The following WRAP53 variants were observed in gnomAD, a reference collection of about 807,000 sequenced individuals.
The protein encoded by WRAP53 is telomerase Cajal body protein 1.
Under a neutral mutation model 56.6 loss-of-function variants are expected in WRAP53, and 28 were observed. The observed-to-expected ratio is 0.50, with a 90% CI of 0.37 to 0.68. The LOEUF (loss-of-function observed/expected upper bound fraction) is 0.68, where lower values mean the gene tolerates loss of function less well. Among genes scored for constraint, WRAP53 ranks in the 30% least tolerant of loss-of-function variants. The probability of loss-of-function intolerance (pLI) is 0.00; values close to 1 mark genes in which losing one functional copy is unlikely to be tolerated. For synonymous variants in WRAP53, 283 were observed against 283.4 expected (o/e 1.00, Z 0.01); for missense variants, 671 against 715.5 (o/e 0.94, Z 0.71).
rs1384394462 is a variant in WRAP53 at position 7,691,166 on chromosome 17, G to A, written c.642+1465G>A. On this transcript the variant is annotated intron_variant, in intron 4 of 10. Coordinates refer to ENST00000396463, the MANE Select transcript of WRAP53 (RefSeq NM_001143992.2). ...GGAGGTTGCAGTGAGCCAAGATCATGTCACTGCACTCCAGCCTGGGTGACA... is the reference window on the plus strand; with the variant it reads ...GGAGGTTGCAGTGAGCCAAGATCATATCACTGCACTCCAGCCTGGGTGACA... Among the ~76,000 whole-genome samples the A allele has an allele frequency of 5.5e-5, 8 of 144,346 alleles. No homozygotes were observed. The East Asian group carries it at 1.7e-3, about 31-fold the overall frequency. The allele number at this position is 144,346 out of a possible 152,430, so 94.7% of individuals were successfully genotyped here. A position where few individuals can be genotyped will look rare whatever the true frequency, so the allele number is the denominator to read the frequency against.
intron 4 of WRAP53, among the ~76,000 whole-genome samples, chr17:7,698,230 C>T (rs1440279674): frequency 1.3e-5 from 2 of 152,056 alleles, no homozygotes; most frequent in Non-Finnish European, 2.9e-5. Flanking sequence ...TGTAGAGAAA[C>T]CCTTCTACAT....
rs1024938095 is a variant in WRAP53, at chr17:7,701,077, A to G, written c.731+248A>G. On this transcript the variant is annotated intron_variant, in intron 5 of 10. Coordinates refer to ENST00000396463, the MANE Select transcript of WRAP53 (RefSeq NM_001143992.2). The surrounding 1 kb of genome is among the most constrained non-coding windows in gnomAD (Gnocchi z 4.2). ...AACCTCCGCCTCCCAGGTTGAAGTG[A>G]TTCTCCTGCCTCAGCCTCCTGAGTA... Among the ~76,000 whole-genome samples, 1 of 151,574 alleles carries G rather than the reference A, an allele frequency of 6.6e-6. No individual in the cohort carries two copies. The highest frequency in any genetic ancestry group is 1.5e-5 in the Non-Finnish European group (1 of 67,932).
upstream of WRAP53, chr17:7,688,454 C>T: frequency 1.6e-6 from 1 of 622,224 alleles, no homozygotes; most frequent in Non-Finnish European, 2.8e-6. Flanking sequence ...AGGCCCGTAG[C>T]GACCCGCGGT....
chr17:7,688,910 G>A lies in WRAP53; in HGVS notation c.262G>A (p.Glu88Lys). Reference protein sequence around the residue: ...PLETEFGSPSELSPRIEEQEL... With the variant: ...PLETEFGSPSKLSPRIEEQEL... Reference sequence around the variant, plus strand: ...GGAAACAGAGTTTGGTTCCCCTAGTGAGTTGAGTCCTCGAATCGAGGAGCA... The same window carrying A: ...GGAAACAGAGTTTGGTTCCCCTAGTAAGTTGAGTCCTCGAATCGAGGAGCA... The change falls in exon 2 of 11, where the codon GAG (glutamate) becomes AAG (lysine). Residue 88 changes from glutamate to lysine, a missense_variant. This residue lies in a region of WRAP53 where 406 missense variants were observed against 418.5 expected (regional missense o/e 0.97). Transcript: ENST00000396463. 4 of 1,614,194 alleles carry A rather than the reference G, an allele frequency of 2.5e-6. No individual in the cohort carries two copies. The highest frequency in any genetic ancestry group is 2.5e-6 in the Non-Finnish European group (3 of 1,180,042).
At chr17:7,703,164 T>G in intron 10 of WRAP53, 37 bp downstream of exon 10, 1 of 1,613,758 alleles carries the variant, frequency 6.2e-7, no homozygotes, top group Non-Finnish European at 8.5e-7. Context: ...GGGGCTTGGG[T>G]TGGGGAGGGA....
chr17:7,691,817 G>T (rs1381413093), intron 4 of WRAP53, among the ~76,000 whole-genome samples: 1 of 150,808 alleles, frequency 6.6e-6, no homozygotes, highest in Non-Finnish European at 1.5e-5. Flanking sequence ...GAGCCACCAT[G>T]CCAGGCCATG....
Position 7,701,754 on chromosome 17 carries a change from G to C in WRAP53, c.920G>C (p.Arg307Pro). The stretch of plus-strand genomic sequence containing the variant: ...ACTGTGCGTGTTTTTTCCACGGCCC[G>C]GCCTGGCCGAGACTGCGAGGTCCGA... Reference protein sequence around the residue: ...NRTVRVFSTARPGRDCEVRAT... With the variant: ...NRTVRVFSTAPPGRDCEVRAT... The change falls in exon 7 of 11, where the codon CGG becomes CCG. Residue 307 changes from arginine (R) to proline (P), a missense_variant. This residue lies in a region of WRAP53 where 406 missense variants were observed against 418.5 expected (regional missense o/e 0.97). Coordinates refer to ENST00000396463, the MANE Select transcript of WRAP53 (RefSeq NM_001143992.2). The surrounding 1 kb of genome is among the most constrained non-coding windows in gnomAD (Gnocchi z 4.2). 6.2e-7 allele frequency: 1 copy of C among 1,614,114 alleles called. No individual in the cohort carries two copies. The highest frequency in any genetic ancestry group is 8.5e-7 in the Non-Finnish European group (1 of 1,180,020).
intron 4 of WRAP53, among the ~76,000 whole-genome samples, chr17:7,699,227 C>G (rs183722243): frequency 1.7e-3 from 262 of 150,846 alleles, no homozygotes; most frequent in African/African-American, 5.9e-3. Context: ...CGAGACCAGC[C>G]TGGCCAACGT....
chr17:7,694,590 G>A (rs2074157984), intron 4 of WRAP53, among the ~76,000 whole-genome samples: 1 of 152,060 alleles, frequency 6.6e-6, no homozygotes, highest in Admixed American at 6.6e-5. Context: ...GGTGGCTCAT[G>A]CCTATAATCC....
At chr17:7,694,346 G>A (rs1486674360) in intron 4 of WRAP53, among the ~76,000 whole-genome samples, 1 of 149,044 alleles carries the variant, frequency 6.7e-6, no homozygotes, top group Non-Finnish European at 1.5e-5. Context: ...CGGTTCAAGC[G>A]ATTCTCCTGC....
intron 4 of WRAP53, among the ~76,000 whole-genome samples, chr17:7,697,670 A>C (rs999663343): frequency 6.6e-6 from 1 of 152,206 alleles, no homozygotes; most frequent in Non-Finnish European, 1.5e-5. Flanking sequence ...AAAAGAAAAA[A>C]AAAGAAAAAG....
At position 7,701,890 on chromosome 17, in the gene WRAP53, T is replaced by TACAGAGGACGG; in HGVS notation, c.955+101_955+102insACAGAGGACGG. On this transcript the variant is annotated intron_variant, in intron 7 of 10. Coordinates refer to ENST00000396463, the MANE Select transcript of WRAP53 (RefSeq NM_001143992.2). The surrounding 1 kb of genome is among the most constrained non-coding windows in gnomAD (Gnocchi z 4.2). Reference sequence around the variant, plus strand: ...GGGCCACCTGTGGGGGTTCACGCCGTCCTCTGTACGGCCCCGGGAGCAGGT... The same window carrying TACAGAGGACGG: ...GGGCCACCTGTGGGGGTTCACGCCGTACAGAGGACGGCCTCTGTACGGCCCCGGGAGCAGGT... The TACAGAGGACGG allele has an allele frequency of 6.5e-7, 1 of 1,532,464 alleles. No individual in the cohort carries two copies. The highest frequency in any genetic ancestry group is 8.8e-7 in the Non-Finnish European group (1 of 1,137,870). 94.9% of individuals were successfully genotyped at this position (1,532,464 alleles called of 1,614,324 possible).
rs577138780 is a variant in WRAP53, at chr17:7,696,549, T to C, written c.643-4192T>C. Among the ~76,000 whole-genome samples, 167 of 152,234 alleles carry C rather than the reference T, an allele frequency of 1.1e-3. 1 individual carries two copies. Among genetic ancestry groups the C allele is most frequent in the Non-Finnish European group, 4.9e-4 (33 of 68,020 alleles). On this transcript the variant is annotated intron_variant, in intron 4 of 10. Coordinates refer to ENST00000396463, the MANE Select transcript of WRAP53 (RefSeq NM_001143992.2). ...TCCTGACCTTGTGATCCGCCCGCCT[T>C]GGCCTCCCAAAGTGCTGGGATTACT... is the stretch of plus-strand genomic sequence containing the variant.
chr17:7,686,071 T>A (rs566671572), upstream of WRAP53: 1 of 152,028 alleles, frequency 6.6e-6, no homozygotes, highest in African/African-American at 2.4e-5. Context: ...GCGGGAGAAA[T>A]GAATTCGAGT....
chr17:7,688,654 G>C lies in WRAP53; in HGVS notation c.6G>C (p.Lys2Asn). Residue 2 changes from lysine to asparagine, a missense_variant, in exon 2 of 11, where the codon AAG (lysine) becomes AAC (asparagine). Lys to Asn is a moderately conservative substitution (Grantham distance 94). This residue lies in a region of WRAP53 where 406 missense variants were observed against 418.5 expected (regional missense o/e 0.97). Transcript: ENST00000396463. M[K>N]TLETQPLAPD... ...CGCTGTGCTTCCTCTGCAGTATGAA[G>C]ACTTTGGAGACTCAACCGTTAGCTC... 6.2e-7 allele frequency: 1 copy of C among 1,614,228 alleles called. No homozygotes were observed. Among genetic ancestry groups the C allele is most frequent in the Non-Finnish European group, 8.5e-7 (1 of 1,180,046 alleles).
At chr17:7,699,988 C>A (rs2074252685) in intron 4 of WRAP53, among the ~76,000 whole-genome samples, 1 of 152,016 alleles carries the variant, frequency 6.6e-6, no homozygotes, top group Non-Finnish European at 1.5e-5. Context: ...CTGCCTCAGC[C>A]TCCCTAAGTG....
chr17:7,702,020 G>A lies in WRAP53; in HGVS notation c.955+231G>A, dbSNP rs1166762883. 1 of 762,358 alleles carries A rather than the reference G, an allele frequency of 1.3e-6. No homozygotes were observed. The highest frequency in any genetic ancestry group is 2.3e-6 in the Non-Finnish European group (1 of 441,618). The allele number at this position is 762,358 out of a possible 1,614,324, so 47.2% of individuals were successfully genotyped here. A position where few individuals can be genotyped will look rare whatever the true frequency, so the allele number is the denominator to read the frequency against. ...TGCTTCCTTCCTGAACTCATACCCT[G>A]TCAGCTGTGGAGCTTTTGGTCTCTG... On this transcript the variant is annotated intron_variant, in intron 7 of 10. Transcript: ENST00000396463. This position sits in a 1 kb window ranked among gnomAD's most constrained non-coding sequence, Gnocchi z 5.0.
At chr17:7,696,513 TG>T (rs529492252) in intron 4 of WRAP53, among the ~76,000 whole-genome samples, 89 of 152,130 alleles carry the variant, frequency 5.9e-4, no homozygotes, top group Non-Finnish European at 1.1e-3. Flanking sequence ...TTAGCCAGGA[TG>T]GTCTCGATCT....
chr17:7,701,738 G>GT lies in WRAP53; in HGVS notation c.910dup (p.Ser304PhefsTer53), dbSNP rs1156530146. The stretch of plus-strand genomic sequence containing the variant: ...CTGTGGCTTCAACCGGACTGTGCGT[G>GT]TTTTTTCCACGGCCCGGCCTGGCCG... On this transcript the variant is annotated frameshift_variant, in exon 7 of 11. Coordinates refer to ENST00000396463, the MANE Select transcript of WRAP53 (RefSeq NM_001143992.2). LOFTEE classifies it high-confidence loss of function. This position sits in a 1 kb window ranked among gnomAD's most constrained non-coding sequence, Gnocchi z 4.2. 3 of 1,614,090 alleles carry GT rather than the reference G, an allele frequency of 1.9e-6. No homozygotes were observed. Among genetic ancestry groups the GT allele is most frequent in the Non-Finnish European group, 1.7e-6 (2 of 1,180,038 alleles).
Sources: gnomAD v4.1 joint callset for allele counts (sites outside exome capture counted in the v4.1 genomes callset) on GRCh38, gnomAD v4.1.1 for gene constraint, gnomAD v4.1.1 regional missense constraint, Gnocchi (gnomAD v3.1) non-coding constraint, MANE v1.5 for transcripts, NCBI Gene and HGNC (gene_info 2026-07-23, HGNC 2026-07-21) for gene names.